Variants in HBP1 observed in about 807,000 individuals in gnomAD.
HBP1 encodes the protein HMG-box transcription factor 1, also known as HMG box-containing protein 1.
A neutral mutation model predicts 62.6 loss-of-function variants in HBP1; 20 were observed. The ratio of observed to expected loss-of-function variants is 0.32; its 90% CI spans 0.22 to 0.46. The LOEUF (loss-of-function observed/expected upper bound fraction) is 0.46. HBP1 is among the 20% of genes least tolerant of loss of function. The pLI, the probability that HBP1 is intolerant of heterozygous loss-of-function variation, is 1.00. For missense variants in HBP1, 480 were observed against 611.8 expected (o/e 0.78, Z 2.27); for synonymous variants, 232 against 206.2 (o/e 1.12, Z -1.07).
At chr7:107,177,941 C>T (rs1044182571) in intron 1 of HBP1, among the ~76,000 whole-genome samples, 1 of 151,778 alleles carries the variant, frequency 6.6e-6, no homozygotes, top group Non-Finnish European at 1.5e-5. Flanking sequence ...ATGAAAAAGT[C>T]TTCGTAGAAA....
At chr7:107,180,877 C>T (rs1194557347) in intron 2 of HBP1, among the ~76,000 whole-genome samples, 1 of 152,094 alleles carries the variant, frequency 6.6e-6, no homozygotes, top group Non-Finnish European at 1.5e-5. Flanking sequence ...AGTTGATCTT[C>T]CTCAGTTTTT....
At chr7:107,197,366 T>TAA (rs148583868) in intron 9 of HBP1, among the ~76,000 whole-genome samples, 3,030 of 152,312 alleles carry the variant, frequency 0.02, 103 homozygotes, top group African/African-American at 0.068. Flanking sequence ...TCAAGAATTC[T>TAA]AAGAGTCTTT....
At chr7:107,171,073 A>C (rs2395838) in intron 1 of HBP1, among the ~76,000 whole-genome samples, 1 of 87,194 alleles carries the variant, frequency 1.1e-5, no homozygotes, top group East Asian at 3.0e-4. Context: ...ATATATATAT[A>C]TTTTTTTTTT....
chr7:107,177,605 G>A (rs1796915911), intron 1 of HBP1, among the ~76,000 whole-genome samples: 1 of 152,094 alleles, frequency 6.6e-6, no homozygotes, highest in African/African-American at 2.4e-5. Context: ...GTAGTAGAGG[G>A]GATAAGTGAA....
chr7:107,188,042 G>C (rs1797475389), intron 6 of HBP1, among the ~76,000 whole-genome samples: 1 of 152,160 alleles, frequency 6.6e-6, no homozygotes, highest in Non-Finnish European at 1.5e-5. Flanking sequence ...CTGTGTTACT[G>C]ATCTTAGGCA....
At chr7:107,184,606 G>T (rs1026720221) in intron 3 of HBP1, among the ~76,000 whole-genome samples, 1 of 152,166 alleles carries the variant, frequency 6.6e-6, no homozygotes, top group African/African-American at 2.4e-5. Context: ...CGCCTTCCGG[G>T]TTCACGCCAT....
chr7:107,186,797 T>G, intron 6 of HBP1, 116 bp downstream of exon 6: 1 of 657,260 alleles, frequency 1.5e-6, no homozygotes, highest in Non-Finnish European at 2.7e-6. Flanking sequence ...ATCGTACATT[T>G]TAGGTAGAGC....
intron 6 of HBP1, 93 bp from the exon 7 acceptor site, chr7:107,189,199 T>C: frequency 9.2e-7 from 1 of 1,081,934 alleles, no homozygotes; most frequent in Admixed American, 2.3e-5. Flanking sequence ...TGGTTATTTT[T>C]ACCTTTTCCA....
At chr7:107,201,306 A>G (rs866959074) in intron 10 of HBP1, 108 bp from the exon 11 acceptor site, 24 of 622,406 alleles carry the variant, frequency 3.9e-5, no homozygotes, top group African/African-American at 3.2e-4. Context: ...AGAAAGCAGT[A>G]TTTTCTAATA....
chr7:107,197,555 A>G (rs556001961), intron 9 of HBP1, among the ~76,000 whole-genome samples: 2 of 152,234 alleles, frequency 1.3e-5, no homozygotes, highest in East Asian at 1.9e-4. Context: ...TATTTAGTAG[A>G]CATGGGGTTT....
At chr7:107,177,981 G>C (rs1247710666) in intron 1 of HBP1, among the ~76,000 whole-genome samples, 1 of 151,982 alleles carries the variant, frequency 6.6e-6, no homozygotes, top group Non-Finnish European at 1.5e-5. Flanking sequence ...GGTGTTTATT[G>C]GTAATTAACA....
Position 107,169,779 on chromosome 7 carries a change from A to G in HBP1, c.-16+594A>G. 5 of 984,124 alleles carry G rather than the reference A, an allele frequency of 5.1e-6. No homozygotes were observed. The South Asian group carries it at 1.9e-4, about 37-fold the overall frequency. 61.0% of individuals were successfully genotyped at this position (984,124 alleles called of 1,614,324 possible). A position where few individuals can be genotyped will look rare whatever the true frequency, so the allele number is the denominator to read the frequency against. On this transcript the variant is annotated intron_variant, in intron 1 of 10. Transcript: ENST00000222574. The stretch of plus-strand genomic sequence containing the variant: ...CTGGGGCTGAGCCGAGGGGAAAAAC[A>G]AGCCCGGAGTCCGGGCTGCGGTCAC...
At chr7:107,193,781 C>T (rs189171688) in intron 8 of HBP1, among the ~76,000 whole-genome samples, 2 of 152,068 alleles carry the variant, frequency 1.3e-5, no homozygotes, top group African/African-American at 4.8e-5. Context: ...AACATGAGCT[C>T]GATCTGGACT....
chr7:107,189,672 A>AT (rs567422154), intron 7 of HBP1, among the ~76,000 whole-genome samples: 105 of 152,304 alleles, frequency 6.9e-4, no homozygotes, highest in African/African-American at 2.5e-3. Flanking sequence ...TTTTAGATTC[A>AT]TGTAGCATAG....
intron 1 of HBP1, chr7:107,170,055 TG>T: frequency 1.0e-6 from 1 of 985,390 alleles, no homozygotes; most frequent in Non-Finnish European, 1.2e-6. Context: ...CACTCTCCGC[TG>T]TGCACTCTAC....
intron 8 of HBP1, chr7:107,192,618 ATAT>A (rs1797709344): frequency 6.6e-6 from 1 of 152,190 alleles, no homozygotes; most frequent in African/African-American, 2.4e-5. Context: ...TAAAGTTTAC[ATAT>A]TATTACATAG....
At chr7:107,184,241 T>G (rs1797245588) in intron 3 of HBP1, among the ~76,000 whole-genome samples, 2 of 152,202 alleles carry the variant, frequency 1.3e-5, no homozygotes, top group Non-Finnish European at 2.9e-5. Flanking sequence ...TCTAAATGTG[T>G]AATAACAGGA....
At chr7:107,189,078 A>G (rs1232843790) in intron 6 of HBP1, among the ~76,000 whole-genome samples, 2 of 152,202 alleles carry the variant, frequency 1.3e-5, no homozygotes, top group Non-Finnish European at 2.9e-5. Context: ...ATTAAACTGC[A>G]TCACCATTAT....
intron 3 of HBP1, among the ~76,000 whole-genome samples, chr7:107,184,581 G>A (rs1384933947): frequency 6.6e-6 from 1 of 152,232 alleles, no homozygotes; most frequent in East Asian, 1.9e-4. Flanking sequence ...TGCAATCTCG[G>A]CTCACTGCAA....
Sources: allele counts gnomAD v4.1 joint callset (sites outside exome capture counted in the v4.1 genomes callset), GRCh38; gene constraint gnomAD v4.1.1; transcripts MANE v1.5; gene names NCBI Gene and HGNC (gene_info 2026-07-23, HGNC 2026-07-21).